The following JMY variants were observed in gnomAD, a reference collection of about 807,000 sequenced individuals.
JMY encodes the protein junction mediating and regulatory protein, p53 cofactor, also known as junction-mediating and -regulatory protein.
JMY carries 46 observed loss-of-function variants against 103.3 expected under a neutral mutation model. That is an observed-to-expected ratio of 0.45 (90% confidence interval 0.35 to 0.57). The LOEUF is 0.57. Among genes scored for constraint, JMY ranks in the 20% least tolerant of loss-of-function variants. JMY has a pLI of 0.00. For synonymous variants in JMY, 526 were observed against 489.3 expected (o/e 1.07, Z -0.99); for missense variants, 1,238 against 1,255.2 (o/e 0.99, Z 0.21).
At chr5:79,257,216 G>C (rs1442843252) in intron 1 of JMY, among the ~76,000 whole-genome samples, 1 of 151,940 alleles carries the variant, frequency 6.6e-6, no homozygotes, top group Non-Finnish European at 1.5e-5. Context: ...GTGATTACAG[G>C]CGTGAGCTAC....
In JMY at chr5:79,290,192, G is replaced by A; in HGVS notation, c.1278G>A (p.Gln426=). The A allele has an allele frequency of 6.3e-7, 1 of 1,598,648 alleles. No individual in the cohort carries two copies. The highest frequency in any genetic ancestry group is 1.1e-5 in the South Asian group (1 of 88,512). Residue 426 remains glutamine (Q), a synonymous_variant, in exon 3 of 11, where the codon CAG becomes CAA. Transcript: ENST00000396137. ...ESLQKEDADW[Q]RKAHMAVLSI... ...TACAAAAAGAAGATGCTGATTGGCA[G>A]CGGAAAGCTCACATGGCTGTACTGT...
intron 10 of JMY, among the ~76,000 whole-genome samples, chr5:79,318,299 G>A (rs533197513): frequency 2.0e-5 from 3 of 151,990 alleles, no homozygotes; most frequent in African/African-American, 7.2e-5. Flanking sequence ...ACAGGTGTGA[G>A]CCACCATGCC....
Position 79,237,687 on chromosome 5 carries a change from G to A in JMY, c.1032+5G>A. On this transcript the variant is annotated splice_donor_5th_base_variant and intron_variant, in intron 1 of 10. Coordinates refer to ENST00000396137, the MANE Select transcript of JMY (RefSeq NM_152405.5). ...GCCAGGAAGCGCATCCAGGAGGTGA[G>A]TGAGTGAGCTCCTAGTCTGGGCTCT... The A allele has an allele frequency of 6.2e-7, 1 of 1,608,684 alleles. No homozygotes were observed. The highest frequency in any genetic ancestry group is 8.5e-7 in the Non-Finnish European group (1 of 1,176,810).
intron 1 of JMY, among the ~76,000 whole-genome samples, chr5:79,241,803 G>A (rs1203782105): frequency 1.3e-5 from 2 of 152,096 alleles, no homozygotes; most frequent in Non-Finnish European, 2.9e-5. Flanking sequence ...GTTTACTATT[G>A]GAAGCAGTAT....
At chr5:79,306,341 C>T in intron 6 of JMY, 34 bp from the exon 7 acceptor site, 1 of 1,464,846 alleles carries the variant, frequency 6.8e-7, no homozygotes. Flanking sequence ...TTTCAAGTTT[C>T]ACTTGTATTA....
intron 1 of JMY, among the ~76,000 whole-genome samples, chr5:79,263,705 G>T (rs1745494632): frequency 6.6e-6 from 1 of 151,644 alleles, no homozygotes; most frequent in African/African-American, 2.4e-5. Context: ...ATAGAGTCTT[G>T]CCTTTTTGTC....
At chr5:79,272,741 C>G (rs535202089) in intron 1 of JMY, among the ~76,000 whole-genome samples, 2 of 152,304 alleles carry the variant, frequency 1.3e-5, no homozygotes, top group African/African-American at 4.8e-5. Context: ...TCAAGTGATT[C>G]TCGTGCCTCA....
chr5:79,269,279 ACT>A (rs1398561199), intron 1 of JMY, among the ~76,000 whole-genome samples: 5 of 151,738 alleles, frequency 3.3e-5, no homozygotes, highest in Non-Finnish European at 7.4e-5. Flanking sequence ...TTATTTTTGG[ACT>A]CTATTCTGTT....
intron 4 of JMY, among the ~76,000 whole-genome samples, chr5:79,296,490 C>T (rs1371644696): frequency 1.3e-5 from 2 of 152,116 alleles, no homozygotes; most frequent in East Asian, 3.9e-4. Flanking sequence ...TTTTATGACC[C>T]TTTAAAAAAA....
At chr5:79,252,269 C>T (rs1745110116) in intron 1 of JMY, among the ~76,000 whole-genome samples, 1 of 150,568 alleles carries the variant, frequency 6.6e-6, no homozygotes, top group Admixed American at 6.6e-5. Context: ...TGTATAGTTT[C>T]CATAATTCCT....
intron 1 of JMY, among the ~76,000 whole-genome samples, chr5:79,261,432 CTG>C: frequency 6.6e-6 from 1 of 152,170 alleles, no homozygotes; most frequent in African/African-American, 2.4e-5. Context: ...TGGCACGTGA[CTG>C]TAGTCCCAGC....
intron 7 of JMY, among the ~76,000 whole-genome samples, chr5:79,309,391 A>G (rs74922262): frequency 0.021 from 3,168 of 152,198 alleles, 132 homozygotes; most frequent in African/African-American, 0.072. Context: ...ATATTAGTTC[A>G]CTTTATATAA....
chr5:79,258,958 G>A (rs961332873), intron 1 of JMY, among the ~76,000 whole-genome samples: 6 of 152,292 alleles, frequency 3.9e-5, no homozygotes, highest in South Asian at 2.1e-4. Flanking sequence ...GAAGTACACA[G>A]ACAAGAGACA....
At chr5:79,286,259 T>G (rs1561304673) in intron 2 of JMY, among the ~76,000 whole-genome samples, 1 of 152,198 alleles carries the variant, frequency 6.6e-6, no homozygotes, top group Non-Finnish European at 1.5e-5. Context: ...GCTGTACTCA[T>G]AAAGGTAAAG....
chr5:79,291,338 TAC>T (rs759488908), intron 4 of JMY, 39 bp downstream of exon 4: 3 of 1,498,902 alleles, frequency 2.0e-6, no homozygotes, highest in Non-Finnish European at 1.8e-6. Flanking sequence ...CAGAAAAAGT[TAC>T]AGTTTGTCAT....
At chr5:79,273,205 T>A (rs899157658) in intron 1 of JMY, among the ~76,000 whole-genome samples, 6 of 152,240 alleles carry the variant, frequency 3.9e-5, no homozygotes, top group Non-Finnish European at 7.3e-5. Context: ...GAACACATTT[T>A]AAAGAACATT....
rs55994052 is a variant in JMY at position 79,310,057 on chromosome 5, C to CTTTTTTT, written c.1969-2326_1969-2320dup. Among the ~76,000 whole-genome samples the CTTTTTTT allele has an allele frequency of 1.8e-4, 13 of 73,666 alleles. 2 individuals carry two copies. The highest frequency in any genetic ancestry group is 6.5e-4 in the African/African-American group (10 of 15,482). 48.3% of individuals were successfully genotyped at this position (73,666 alleles called of 152,430 possible). On this transcript the variant is annotated intron_variant, in intron 7 of 10. Transcript: ENST00000396137. Reference sequence around the variant, plus strand: ...TAGTAAATCGATTATCTTTCTTTTCCTTTTTTTTTTTTTTTTTTTTTTTTT... The same window carrying CTTTTTTT: ...TAGTAAATCGATTATCTTTCTTTTCCTTTTTTTTTTTTTTTTTTTTTTTTTTTTTTTT...
chr5:79,257,332 G>C (rs1291409969), intron 1 of JMY, among the ~76,000 whole-genome samples: 1 of 152,144 alleles, frequency 6.6e-6, no homozygotes, highest in African/African-American at 2.4e-5. Flanking sequence ...GCTGGACATG[G>C]TGGCTCATGT....
intron 2 of JMY, among the ~76,000 whole-genome samples, chr5:79,285,940 C>G (rs539176868): frequency 6.9e-6 from 1 of 144,812 alleles, no homozygotes; most frequent in Non-Finnish European, 1.5e-5. Context: ...AAACTAGTTT[C>G]GCTATCCTAG....
Sources: gnomAD v4.1 joint callset for allele counts (sites outside exome capture counted in the v4.1 genomes callset) on GRCh38, gnomAD v4.1.1 for gene constraint, MANE v1.5 for transcripts, NCBI Gene and HGNC (gene_info 2026-07-23, HGNC 2026-07-21) for gene names.